The following GTPBP4 variants were observed in gnomAD, a reference collection of about 807,000 sequenced individuals.
GTPBP4 encodes the protein GTP binding protein 4.
In GTPBP4, 15 loss-of-function variants were observed where a neutral mutation model predicts 81.7. The observed-to-expected ratio is 0.18, with a 90% CI of 0.12 to 0.28. The LOEUF is 0.28. Ranked by LOEUF, GTPBP4 falls within the 10% of genes least tolerant of loss-of-function variation. GTPBP4 has a pLI of 1.00. For synonymous variants in GTPBP4, 272 were observed against 274.6 expected (o/e 0.99, Z 0.09); for missense variants, 847 against 793.8 (o/e 1.07, Z -0.81).
At chr10:1,010,981 TGTGCCTC>T (rs1831852608) in intron 13 of GTPBP4, among the ~76,000 whole-genome samples, 2 of 144,882 alleles carry the variant, frequency 1.4e-5, no homozygotes, top group African/African-American at 2.6e-5. Context: ...CCATCCTGAC[TGTGCCTC>T]CTGCACCACC....
rs1027014565 is a variant in GTPBP4 at position 1,017,606 on chromosome 10, T to C, written c.*379T>C. 3 of 162,730 alleles carry C rather than the reference T, an allele frequency of 1.8e-5. No homozygotes were observed. Among genetic ancestry groups the C allele is most frequent in the African/African-American group, 7.2e-5 (3 of 41,862 alleles). The allele number at this position is 162,730 out of a possible 1,614,324, so 10.1% of individuals were successfully genotyped here. ...GAATCCCGTGCTTAAAATACGCTCT[T>C]AAATTATTTTCTAGTCTTATTTTAC... On this transcript the variant is annotated 3_prime_UTR_variant, in exon 17 of 17. Transcript: ENST00000360803.
chr10:988,563 G>A (rs1407749227), intron 1 of GTPBP4, 36 bp downstream of exon 1: 2 of 1,541,224 alleles, frequency 1.3e-6, no homozygotes, highest in Admixed American at 1.7e-5. Context: ...CAACTTTCGC[G>A]TTCTCCTCAG....
chr10:1,002,350 T>C (rs1381836999), intron 8 of GTPBP4, among the ~76,000 whole-genome samples: 1 of 152,218 alleles, frequency 6.6e-6, no homozygotes, highest in Non-Finnish European at 1.5e-5. Context: ...GACCTTCTTG[T>C]CTCTTTTTAT....
intron 14 of GTPBP4, 84 bp downstream of exon 14, chr10:1,012,746 C>T (rs1195816360): frequency 3.2e-6 from 3 of 931,834 alleles, no homozygotes; most frequent in African/African-American, 3.3e-5. Flanking sequence ...AACAACTTTT[C>T]AACCCATTTA....
intron 9 of GTPBP4, among the ~76,000 whole-genome samples, chr10:1,006,187 G>A (rs111397901): frequency 6.6e-6 from 1 of 152,192 alleles, no homozygotes; most frequent in African/African-American, 2.4e-5. Flanking sequence ...TAATATTTCG[G>A]TAGCAAGTAC....
chr10:997,354 G>A (rs565960800), intron 5 of GTPBP4, 46 bp downstream of exon 5: 25 of 1,034,402 alleles, frequency 2.4e-5, no homozygotes, highest in East Asian at 2.1e-4. Flanking sequence ...ACTATTTTAC[G>A]TCAGTGTTAC....
rs1008201247 is a variant in GTPBP4, at chr10:1,019,568, G to C, written c.*2341G>C. The C allele has an allele frequency of 6.2e-7, 1 of 1,613,866 alleles. No homozygotes were observed. Among genetic ancestry groups the C allele is most frequent in the Non-Finnish European group, 8.5e-7 (1 of 1,179,958 alleles). On this transcript the variant is annotated 3_prime_UTR_variant, in exon 17 of 17. Coordinates refer to ENST00000360803, the MANE Select transcript of GTPBP4 (RefSeq NM_012341.3). ...CCACAAACGGGGTCACGTCATCCAG[G>C]TGAGGCCACCACCGGTACAGAAACC...
At position 1,000,801 on chromosome 10, in the gene GTPBP4, A is replaced by T; in HGVS notation, c.779A>T (p.Gln260Leu). The T allele has an allele frequency of 6.2e-7, 1 of 1,611,516 alleles. No individual in the cohort carries two copies. The highest frequency in any genetic ancestry group is 8.5e-7 in the Non-Finnish European group (1 of 1,178,604). The change falls in exon 7 of 17, where the codon CAG becomes CTG. Residue 260 changes from glutamine to leucine, a missense_variant. This residue lies in a region of GTPBP4 where 600 missense variants were observed against 557.1 expected (regional missense o/e 1.08). Transcript: ENST00000360803. Reference protein sequence around the residue: ...AVLYVMDLSEQCGHGLREQLE... With the variant: ...AVLYVMDLSELCGHGLREQLE... ...CTGTATGTGATGGATTTGTCTGAGC[A>T]GTGTGGGCATGGGCTGAGGGAGCAG...
intron 15 of GTPBP4, among the ~76,000 whole-genome samples, chr10:1,014,928 A>C (rs1831948431): frequency 1.3e-5 from 2 of 151,202 alleles, no homozygotes; most frequent in African/African-American, 4.9e-5. Flanking sequence ...TGACGTGCCC[A>C]GGGTGTGGCT....
intron 5 of GTPBP4, among the ~76,000 whole-genome samples, chr10:998,701 G>A (rs1831574515): frequency 1.3e-5 from 2 of 152,256 alleles, no homozygotes; most frequent in African/African-American, 4.8e-5. Flanking sequence ...GGACAGTGCA[G>A]ACAGAACATG....
intron 1 of GTPBP4, among the ~76,000 whole-genome samples, chr10:989,507 T>G (rs1831404790): frequency 6.6e-6 from 1 of 152,166 alleles, no homozygotes; most frequent in South Asian, 2.1e-4. Flanking sequence ...AACTGGAGCC[T>G]CCCAGGGACT....
intron 1 of GTPBP4, among the ~76,000 whole-genome samples, chr10:991,169 A>C (rs897720176): frequency 6.6e-6 from 1 of 152,202 alleles, no homozygotes; most frequent in Non-Finnish European, 1.5e-5. Flanking sequence ...AATACTTGGC[A>C]GACTGTGTTG....
intron 1 of GTPBP4, among the ~76,000 whole-genome samples, chr10:989,629 G>T (rs1831406857): frequency 6.6e-6 from 1 of 152,168 alleles, no homozygotes; most frequent in Admixed American, 6.5e-5. Flanking sequence ...GGAAAGCTTT[G>T]TGGGAGTCTC....
chr10:1,015,399 C>CTCTGAGCCTGGGAGCGGGG (rs1831961668), intron 15 of GTPBP4, among the ~76,000 whole-genome samples: 8 of 39,298 alleles, frequency 2.0e-4, no homozygotes, highest in Non-Finnish European at 3.3e-4. Context: ...TGGGAGTGGA[C>CTCTGAGCCTGGGAGCGGGG]CTGGGGTCCT....
At chr10:1,007,747 GTCCT>G (rs1426582928) in intron 10 of GTPBP4, 1 of 384,440 alleles carries the variant, frequency 2.6e-6, no homozygotes, top group Non-Finnish European at 5.0e-6. Flanking sequence ...TGGAGGCTGT[GTCCT>G]TCCCTCTGTC....
At chr10:994,570 C>T (rs774130748) in intron 2 of GTPBP4, among the ~76,000 whole-genome samples, 1 of 152,154 alleles carries the variant, frequency 6.6e-6, no homozygotes, top group African/African-American at 2.4e-5. Context: ...AGTGCCTGGC[C>T]AAGAATGAGA....
chr10:1,014,393 A>C, intron 15 of GTPBP4, 81 bp downstream of exon 15: 113 of 988,594 alleles, frequency 1.1e-4, no homozygotes, highest in Non-Finnish European at 1.7e-4. Flanking sequence ...GTGGTGGCTC[A>C]TGCCTGTAAT....
chr10:990,877 T>C (rs1672883834), intron 1 of GTPBP4, among the ~76,000 whole-genome samples: 1 of 151,502 alleles, frequency 6.6e-6, no homozygotes, highest in Non-Finnish European at 1.5e-5. Flanking sequence ...GGGAACCTTA[T>C]GAAGTAGGTA....
chr10:1,005,236 C>A (rs1564468660), intron 8 of GTPBP4, among the ~76,000 whole-genome samples: 1 of 152,216 alleles, frequency 6.6e-6, no homozygotes, highest in Non-Finnish European at 1.5e-5. Flanking sequence ...AGCTCCACCT[C>A]CCAGGTTCAC....
Sources: allele counts gnomAD v4.1 joint callset (sites outside exome capture counted in the v4.1 genomes callset), GRCh38; gene constraint gnomAD v4.1.1; regional missense constraint gnomAD v4.1.1; transcripts MANE v1.5; gene names NCBI Gene and HGNC (gene_info 2026-07-23, HGNC 2026-07-21).